Variants in JARID2 observed in about 807,000 individuals in gnomAD.
JARID2 encodes the protein protein Jumonji.
A neutral mutation model predicts 125.6 loss-of-function variants in JARID2; 21 were observed. That is an observed-to-expected ratio of 0.17 (90% CI 0.12 to 0.24). The LOEUF is 0.24. Among genes scored for constraint, JARID2 ranks in the 10% least tolerant of loss-of-function variants. The pLI is 1.00. For missense variants in JARID2, 1,303 were observed against 1,639.6 expected (o/e 0.79, Z 3.55); for synonymous variants, 736 against 661.6 (o/e 1.11, Z -1.73).
At chr6:15,331,315 C>CAG (rs10570530) in intron 1 of JARID2, among the ~76,000 whole-genome samples, 65 of 149,724 alleles carry the variant, frequency 4.3e-4, no homozygotes, top group Non-Finnish European at 8.1e-4. Context: ...GCCTGGGTGG[C>CAG]AGAGAGAGAG....
At chr6:15,431,529 C>A (rs1766967528) in intron 3 of JARID2, among the ~76,000 whole-genome samples, 1 of 152,180 alleles carries the variant, frequency 6.6e-6, no homozygotes, top group African/African-American at 2.4e-5. Flanking sequence ...GTTGCTGTTA[C>A]CACTGCCTCC....
At chr6:15,261,540 T>G (rs1424440239) in intron 1 of JARID2, among the ~76,000 whole-genome samples, 1 of 152,084 alleles carries the variant, frequency 6.6e-6, no homozygotes, top group Non-Finnish European at 1.5e-5. Context: ...CAGGATGGTC[T>G]CCATCTCTTG....
chr6:15,415,003 A>C (rs1766073980), intron 3 of JARID2, among the ~76,000 whole-genome samples: 1 of 152,066 alleles, frequency 6.6e-6, no homozygotes, highest in East Asian at 1.9e-4. Flanking sequence ...GAGATTAGGG[A>C]GTGGTGATGA....
intron 2 of JARID2, among the ~76,000 whole-genome samples, chr6:15,403,807 T>C (rs1235707499): frequency 2.6e-5 from 4 of 152,100 alleles, no homozygotes; most frequent in African/African-American, 7.2e-5. Context: ...TTTACATCTG[T>C]TTTTGCAGGG....
chr6:15,303,719 A>G (rs1159991344), intron 1 of JARID2, among the ~76,000 whole-genome samples: 1 of 152,234 alleles, frequency 6.6e-6, no homozygotes, highest in Admixed American at 6.5e-5. Flanking sequence ...ACAAAACCCA[A>G]ACTCAATCAC....
At chr6:15,249,588 G>A (rs572744986) in intron 1 of JARID2, among the ~76,000 whole-genome samples, 4 of 152,298 alleles carry the variant, frequency 2.6e-5, no homozygotes, top group East Asian at 3.9e-4. Context: ...GTGCATGGAA[G>A]ATGTAAAACA....
chr6:15,303,561 A>T (rs1761707991), intron 1 of JARID2, among the ~76,000 whole-genome samples: 1 of 152,216 alleles, frequency 6.6e-6, no homozygotes, highest in South Asian at 2.1e-4. Context: ...CTATACATTT[A>T]TTGGAAGCAC....
chr6:15,488,349 A>G (rs1769983906), intron 6 of JARID2, among the ~76,000 whole-genome samples: 1 of 152,212 alleles, frequency 6.6e-6, no homozygotes, highest in Non-Finnish European at 1.5e-5. Context: ...TTGTCCCCGG[A>G]CAGGTGGCAT....
chr6:15,421,729 C>G (rs942947721), intron 3 of JARID2, among the ~76,000 whole-genome samples: 2 of 152,150 alleles, frequency 1.3e-5, no homozygotes, highest in African/African-American at 4.8e-5. Flanking sequence ...TCTATAATGC[C>G]TGGACTTTGC....
intron 7 of JARID2, among the ~76,000 whole-genome samples, chr6:15,499,953 C>T (rs1274527450): frequency 6.6e-6 from 1 of 152,220 alleles, no homozygotes; most frequent in African/African-American, 2.4e-5. Context: ...CCTGCCTGGA[C>T]TGGATCCGTG....
intron 4 of JARID2, among the ~76,000 whole-genome samples, chr6:15,463,186 A>G (rs928493856): frequency 6.6e-6 from 1 of 152,158 alleles, no homozygotes; most frequent in Non-Finnish European, 1.5e-5. Flanking sequence ...GACCACCCAT[A>G]AAGTCTTCCC....
intron 1 of JARID2, among the ~76,000 whole-genome samples, chr6:15,339,506 G>T (rs896359628): frequency 2.0e-5 from 3 of 150,738 alleles, no homozygotes; most frequent in Non-Finnish European, 4.4e-5. Flanking sequence ...GATAGGGCAA[G>T]AACAGTTATC....
intron 1 of JARID2, among the ~76,000 whole-genome samples, chr6:15,312,314 A>G (rs1762042092): frequency 6.6e-6 from 1 of 152,158 alleles, no homozygotes; most frequent in Admixed American, 6.5e-5. Flanking sequence ...CGGCCTCCCA[A>G]AGTGCTGGGG....
At chr6:15,508,232 T>A (rs1581662663) in intron 11 of JARID2, 108 bp from the exon 12 acceptor site, 2 of 668,434 alleles carry the variant, frequency 3.0e-6, no homozygotes, top group East Asian at 2.7e-5. Flanking sequence ...TTGAGTCCCA[T>A]TTCTTTTCCT....
At chr6:15,437,983 G>A (rs1272917177) in intron 3 of JARID2, among the ~76,000 whole-genome samples, 1 of 152,152 alleles carries the variant, frequency 6.6e-6, no homozygotes, top group Non-Finnish European at 1.5e-5. Flanking sequence ...ATTTTTGTCA[G>A]TGTCTGTTAG....
chr6:15,383,232 C>G (rs935605023), intron 2 of JARID2, among the ~76,000 whole-genome samples: 3 of 151,514 alleles, frequency 2.0e-5, no homozygotes, highest in Admixed American at 6.6e-5. Flanking sequence ...AACCCCTGGG[C>G]TTAAGCAGTC....
At chr6:15,335,461 G>A (rs1313700652) in intron 1 of JARID2, among the ~76,000 whole-genome samples, 1 of 152,160 alleles carries the variant, frequency 6.6e-6, no homozygotes, top group African/African-American at 2.4e-5. Context: ...CTTCTGGCAG[G>A]TCAGCCTCCT....
At chr6:15,519,162 A>G (rs1335522805) in intron 17 of JARID2, among the ~76,000 whole-genome samples, 2 of 152,148 alleles carry the variant, frequency 1.3e-5, no homozygotes, top group African/African-American at 2.4e-5. Context: ...GTAACCGCAC[A>G]CTGCCGCTCC....
intron 1 of JARID2, among the ~76,000 whole-genome samples, chr6:15,364,249 C>T (rs1323084416): frequency 6.6e-6 from 1 of 152,154 alleles, no homozygotes. Flanking sequence ...CCATCACCCA[C>T]AGGGCCGTAA....
Sources: allele counts gnomAD v4.1 joint callset (sites outside exome capture counted in the v4.1 genomes callset), GRCh38; gene constraint gnomAD v4.1.1; transcripts MANE v1.5; gene names NCBI Gene and HGNC (gene_info 2026-07-23, HGNC 2026-07-21).